MASTL: variants seen among roughly 807,000 people sequenced by gnomAD.
The protein encoded by MASTL is serine/threonine-protein kinase greatwall.
In MASTL, 54 loss-of-function variants were observed where a neutral mutation model predicts 82.5. The observed-to-expected ratio is 0.65, with a 90% confidence interval of 0.53 to 0.82. MASTL has a LOEUF of 0.82. Among genes scored for constraint, MASTL ranks in the 40% least tolerant of loss-of-function variants. MASTL has a pLI of 0.00. For synonymous variants in MASTL, 323 were observed against 368.9 expected (o/e 0.88, Z 1.43); for missense variants, 950 against 1,047.8 (o/e 0.91, Z 1.29).
intron 4 of MASTL, among the ~76,000 whole-genome samples, chr10:27,162,964 T>A (rs574386213): frequency 1.3e-5 from 2 of 152,150 alleles, no homozygotes; most frequent in Admixed American, 6.5e-5. Flanking sequence ...TTGCCCAGGC[T>A]GGAGTGCAAT....
chr10:27,186,285 A>G (rs891116869), intron 11 of MASTL, 94 bp from the exon 12 acceptor site: 27 of 1,240,264 alleles, frequency 2.2e-5, no homozygotes, highest in African/African-American at 4.5e-5. Context: ...AAGGTAAGTT[A>G]TATGTGAGAC....
chr10:27,158,519 A>G (rs774313704), intron 1 of MASTL, 30 bp from the exon 2 acceptor site: 1 of 1,520,780 alleles, frequency 6.6e-7, no homozygotes, highest in South Asian at 1.1e-5. Flanking sequence ...ATAAAATAAC[A>G]TGATATCACT....
Position 27,159,652 on chromosome 10 carries a change from T to G in MASTL, c.358T>G (p.Ser120Ala). The change falls in exon 3 of 12, where the codon TCT becomes GCT. Residue 120 changes from serine (S) to alanine (A), a missense_variant. Ser to Ala is a moderately conservative substitution (Grantham distance 99). Transcript: ENST00000375940. This position sits in a 1 kb window ranked among gnomAD's most constrained non-coding sequence, Gnocchi z 4.0. ...MEYLIGGDVKSLLHIYGYFDE... is the reference protein window; with the variant it reads ...MEYLIGGDVKALLHIYGYFDE... ...ATATCTTATTGGGGGAGATGTCAAG[T>G]CTCTCCTACATATATATGGTTATTT... 3 of 1,555,398 alleles carry G rather than the reference T, an allele frequency of 1.9e-6. No homozygotes were observed. The highest frequency in any genetic ancestry group is 2.7e-6 in the Non-Finnish European group (3 of 1,126,770).
rs768873901 is a variant in MASTL at position 27,170,576 on chromosome 10, CTG to C, written c.1620_1621del (p.Cys540Ter). 1.9e-5 allele frequency: 30 copies of C among 1,612,824 alleles called. No homozygotes were observed. The highest frequency in any genetic ancestry group is 2.7e-5 in the African/African-American group (2 of 74,744). On this transcript the variant is annotated frameshift_variant, in exon 8 of 12. Transcript: ENST00000375940. LOFTEE classifies it high-confidence loss of function. ...KNLMCELDED[C>X]EKNSKRDYLS... ...ACCTTATGTGTGAACTCGATGAAGA[CTG>C]TGAAAAGAATAGTAAGAGGGACTAC...
At chr10:27,154,796 T>C (rs766773306), upstream of MASTL, 1 of 157,938 alleles carries the variant, frequency 6.3e-6, no homozygotes, top group Non-Finnish European at 1.4e-5. Context: ...CCTTGAGCAA[T>C]AAGGTCTTTT....
Position 27,171,373 on chromosome 10 carries a change from A to G in MASTL, c.2124+290A>G, listed in dbSNP as rs7897241. On this transcript the variant is annotated intron_variant, in intron 8 of 11. Transcript: ENST00000375940. Reference sequence around the variant, plus strand: ...CCACAGTACTATGAGTTACAAAATTAATTTTCACTTGATCCCCACAGTACT... The same window carrying G: ...CCACAGTACTATGAGTTACAAAATTGATTTTCACTTGATCCCCACAGTACT... Among the ~76,000 whole-genome samples the G allele has an allele frequency of 0.5, 75,785 of 151,346 alleles. 21,677 individuals carry two copies. Among genetic ancestry groups the G allele is most frequent in the Non-Finnish European group, 0.65 (43,870 of 67,878 alleles).
In MASTL at chr10:27,186,568, G is replaced by A; in HGVS notation, c.*32G>A. 1.3e-6 allele frequency: 2 copies of A among 1,564,762 alleles called. No homozygotes were observed. The highest frequency in any genetic ancestry group is 1.8e-6 in the Non-Finnish European group (2 of 1,134,538). ...AATTTTCCTTTTAGTCTAGCCTTGT[G>A]TTATAGAATGAACTTGCATAATTAT... On this transcript the variant is annotated 3_prime_UTR_variant, in exon 12 of 12. Transcript: ENST00000375940.
Position 27,170,512 on chromosome 10 carries a change from A to T in MASTL, c.1553A>T (p.Gln518Leu). The change falls in exon 8 of 12, where the codon CAA becomes CTA. Residue 518 changes from glutamine to leucine, a missense_variant. Physicochemically the swap from Gln to Leu is moderately radical, Grantham distance 113 (BLOSUM62 -2). Coordinates refer to ENST00000375940, the MANE Select transcript of MASTL (RefSeq NM_001172303.3). ...NIVNSFTDKQ[Q>L]TPEKLPIPMI... ...GTCAATTCTTTTACTGATAAACAAC[A>T]AACACCAGAAAAATTACCTATACCA... The T allele has an allele frequency of 6.2e-7, 1 of 1,614,072 alleles. No individual in the cohort carries two copies. Among genetic ancestry groups the T allele is most frequent in the African/African-American group, 1.3e-5 (1 of 75,062 alleles).
chr10:27,165,997 A>C (rs996585015), intron 6 of MASTL, among the ~76,000 whole-genome samples: 4 of 152,078 alleles, frequency 2.6e-5, no homozygotes, highest in African/African-American at 9.7e-5. Flanking sequence ...CCTTAAGGTC[A>C]GGAGTTCGAG....
chr10:27,178,690 C>T (rs1178290623), intron 9 of MASTL, among the ~76,000 whole-genome samples: 1 of 148,020 alleles, frequency 6.8e-6, no homozygotes, highest in Non-Finnish European at 1.5e-5. Flanking sequence ...TTTTTTTTAA[C>T]ACAAGTATAT....
intron 9 of MASTL, among the ~76,000 whole-genome samples, chr10:27,175,423 C>G (rs1052415365): frequency 6.6e-6 from 1 of 151,962 alleles, no homozygotes; most frequent in Admixed American, 6.6e-5. Context: ...CTCAGGTGAT[C>G]TGCCTGCCTT....
chr10:27,172,770 A>G (rs533173044), intron 8 of MASTL, among the ~76,000 whole-genome samples: 1 of 149,642 alleles, frequency 6.7e-6, no homozygotes, highest in South Asian at 2.1e-4. Context: ...TTTGTTAGCC[A>G]TAGCCTTCCT....
intron 11 of MASTL, 38 bp from the exon 12 acceptor site, chr10:27,186,341 A>C: frequency 5.1e-6 from 8 of 1,555,156 alleles, no homozygotes; most frequent in Non-Finnish European, 7.1e-6. Flanking sequence ...TTACTTAGGT[A>C]ATGATATCAT....
intron 10 of MASTL, among the ~76,000 whole-genome samples, 160 bp downstream of exon 10, chr10:27,181,226 A>G (rs904682611): frequency 3.3e-5 from 5 of 152,008 alleles, no homozygotes; most frequent in Admixed American, 6.6e-5. Flanking sequence ...CTCTACTAAA[A>G]AAAAAATACA....
In MASTL at chr10:27,170,363, T is replaced by C. The variant is rs41282222; in HGVS notation, c.1404T>C (p.Tyr468=). 5.9e-5 allele frequency: 96 copies of C among 1,613,836 alleles called. No homozygotes were observed. The highest frequency in any genetic ancestry group is 7.7e-5 in the Non-Finnish European group (91 of 1,179,764). The change falls in exon 8 of 12, where the codon TAT becomes TAC. Residue 468 remains tyrosine, a synonymous_variant. Coordinates refer to ENST00000375940, the MANE Select transcript of MASTL (RefSeq NM_001172303.3). ...AGAATAAAAAAACTTGTGTAGAGTA[T>C]AAGCATAACGAAATGACAAATTGTT... ...IIQNKKTCVE[Y]KHNEMTNCYT...
Position 27,170,080 on chromosome 10 carries a change from A to G in MASTL, c.1121A>G (p.Asn374Ser). The change falls in exon 8 of 12, where the codon AAC becomes AGC. Residue 374 changes from asparagine to serine, a missense_variant. By Grantham distance (46) the Asn-to-Ser change is conservative (BLOSUM62 1). Coordinates refer to ENST00000375940, the MANE Select transcript of MASTL (RefSeq NM_001172303.3). ...GAGTTAGCTCTTTCTCCCATTCATA[A>G]CAGCAGTGCCCTTCCCACCACTGGA... ...DLELALSPIHNSSALPTTGRS... is the reference protein window; with the variant it reads ...DLELALSPIHSSSALPTTGRS... 6.2e-7 allele frequency: 1 copy of G among 1,614,230 alleles called. No individual in the cohort carries two copies. Among genetic ancestry groups the G allele is most frequent in the East Asian group, 2.2e-5 (1 of 44,886 alleles).
intron 6 of MASTL, 82 bp downstream of exon 6, chr10:27,165,621 C>G: frequency 2.0e-6 from 3 of 1,485,538 alleles, no homozygotes; most frequent in Non-Finnish European, 2.8e-6. Flanking sequence ...GGCAGGATTT[C>G]TTTCTTTTTG....
rs781329409 is a variant in MASTL, at chr10:27,167,082, A to G, written c.812-20A>G. On this transcript the variant is annotated intron_variant, in intron 6 of 11. Transcript: ENST00000375940. ...TAAGAAAGCTGTAACATGGAATTCA[A>G]TATTGTCTCTTCTCTATAGGTCTTG... The G allele has an allele frequency of 1.2e-6, 2 of 1,603,466 alleles. No homozygotes were observed. Among genetic ancestry groups the G allele is most frequent in the East Asian group, 2.2e-5 (1 of 44,792 alleles).
rs1229085921 is a variant in MASTL, at chr10:27,155,633, A to C, written c.186+21A>C. On this transcript the variant is annotated intron_variant, in intron 1 of 11. Transcript: ENST00000375940. ...TAAAGGTAGGAAGTCAACGAGTAGC[A>C]AGGAAGGGGTTAGGCCCTTCGGCCC... The C allele has an allele frequency of 1.3e-5, 21 of 1,613,870 alleles. No homozygotes were observed. In the East Asian group the frequency reaches 4.7e-4, roughly 36 times the overall value.
Sources: gnomAD v4.1 joint callset for allele counts (sites outside exome capture counted in the v4.1 genomes callset) on GRCh38, gnomAD v4.1.1 for gene constraint, Gnocchi (gnomAD v3.1) non-coding constraint, MANE v1.5 for transcripts, NCBI Gene and HGNC (gene_info 2026-07-23, HGNC 2026-07-21) for gene names.